The following ACSBG2 variants were observed in gnomAD, a reference collection of about 807,000 sequenced individuals.
ACSBG2 encodes the protein long-chain-fatty-acid--CoA ligase ACSBG2.
ACSBG2 carries 62 observed loss-of-function variants against 74.7 expected under a neutral mutation model. The ratio of observed to expected loss-of-function variants is 0.83; its 90% CI spans 0.68 to 1.03. The LOEUF is 1.03. ACSBG2 is among the 50% of genes least tolerant of loss of function. The pLI is 0.00. For missense variants in ACSBG2, 730 were observed against 817.6 expected, an observed-to-expected ratio of 0.89 and a Z score of 1.31; for synonymous variants, 309 against 294.1, an observed-to-expected ratio of 1.05 and a Z score of -0.52.
intron 6 of ACSBG2, among the ~76,000 whole-genome samples, chr19:6,164,991 C>G (rs1009565541): frequency 3.3e-5 from 5 of 152,220 alleles, no homozygotes; most frequent in Admixed American, 3.3e-4. Flanking sequence ...GCTTCTTCAC[C>G]TGCCAGAGTG....
In ACSBG2 at chr19:6,187,160, A is replaced by C. The variant is rs2090431456; in HGVS notation, c.1541-123A>C. 2.9e-6 allele frequency: 4 copies of C among 1,371,238 alleles called. No homozygotes were observed. The South Asian group carries it at 5.5e-5, about 19-fold the overall frequency. 84.9% of individuals were successfully genotyped at this position (1,371,238 alleles called of 1,614,324 possible). ...GCTGGGATTACAGGTGCACACCACC[A>C]AACCTGGCTAATTTTTGTATATTTA... On this transcript the variant is annotated intron_variant, in intron 11 of 14. Coordinates refer to ENST00000588485, the MANE Select transcript of ACSBG2 (RefSeq NM_030924.5).
chr19:6,147,732 G>C (rs9304929), intron 3 of ACSBG2, 57 bp downstream of exon 3: 1,068,716 of 1,543,724 alleles, frequency 0.69, 372,006 homozygotes, highest in African/African-American at 0.83. Context: ...ATAGGTAACA[G>C]ACATACATAC....
chr19:6,183,933 A>G (rs112594191), intron 10 of ACSBG2, among the ~76,000 whole-genome samples: 12,749 of 152,090 alleles, frequency 0.084, 936 homozygotes, highest in African/African-American at 0.2. Context: ...CCAACTAGCT[A>G]GGACTACACG....
At chr19:6,177,600 G>A (rs1014097488) in intron 8 of ACSBG2, among the ~76,000 whole-genome samples, 11 of 152,082 alleles carry the variant, frequency 7.2e-5, no homozygotes, top group Non-Finnish European at 7.3e-5. Flanking sequence ...CGGCACTCTG[G>A]GAGGCCAAGA....
chr19:6,150,094 A>AAAT (rs1439891476), intron 3 of ACSBG2, among the ~76,000 whole-genome samples: 2 of 151,656 alleles, frequency 1.3e-5, no homozygotes, highest in South Asian at 4.2e-4. Context: ...GCGAGACAAA[A>AAAT]AATAATAATA....
chr19:6,176,510 A>C, intron 7 of ACSBG2: 6 of 670,438 alleles, frequency 8.9e-6, no homozygotes, highest in Non-Finnish European at 1.1e-5. Flanking sequence ...ACACACACAC[A>C]CGCACTCAGC....
At chr19:6,139,124 G>C (rs927845305) in intron 1 of ACSBG2, among the ~76,000 whole-genome samples, 1 of 145,584 alleles carries the variant, frequency 6.9e-6, no homozygotes, top group Non-Finnish European at 1.5e-5. Flanking sequence ...GTTTTGCTCT[G>C]TCACCCAGGC....
chr19:6,154,182 C>T (rs745797823), intron 4 of ACSBG2, among the ~76,000 whole-genome samples: 7 of 151,406 alleles, frequency 4.6e-5, no homozygotes, highest in Non-Finnish European at 8.8e-5. Flanking sequence ...CACCTGAGGT[C>T]GGGAGTTTGA....
chr19:6,176,548 T>G, intron 7 of ACSBG2: 4 of 292,456 alleles, frequency 1.4e-5, no homozygotes, highest in East Asian at 8.3e-5. Flanking sequence ...AATGGACATC[T>G]GGGTACCCAT....
At chr19:6,151,125 A>G (rs1194262923) in intron 3 of ACSBG2, among the ~76,000 whole-genome samples, 1 of 152,032 alleles carries the variant, frequency 6.6e-6, no homozygotes, top group Non-Finnish European at 1.5e-5. Flanking sequence ...AAAAAAAAAA[A>G]AAAAGAAAAT....
chr19:6,137,156 T>C (rs12980693), intron 1 of ACSBG2, among the ~76,000 whole-genome samples: 10,121 of 122,778 alleles, frequency 0.082, 1,176 homozygotes, highest in African/African-American at 0.28. Context: ...GGGCCTGGTG[T>C]GGTGGCTCAC....
At chr19:6,165,727 A>G in intron 6 of ACSBG2, 139 bp from the exon 7 acceptor site, 1 of 990,816 alleles carries the variant, frequency 1.0e-6, no homozygotes, top group Non-Finnish European at 1.5e-6. Flanking sequence ...CTTTTGTAAG[A>G]GGTGCCAGGA....
intron 3 of ACSBG2, among the ~76,000 whole-genome samples, chr19:6,150,406 G>A (rs1042889650): frequency 5.3e-5 from 8 of 151,734 alleles, no homozygotes; most frequent in African/African-American, 9.7e-5. Flanking sequence ...GGGTCATAGC[G>A]GCGTTATTCA....
Position 6,161,233 on chromosome 19 carries a change from G to C in ACSBG2, c.526G>C (p.Glu176Gln). 6.2e-7 allele frequency: 1 copy of C among 1,613,492 alleles called. No individual in the cohort carries two copies. Among genetic ancestry groups the C allele is most frequent in the Non-Finnish European group, 8.5e-7 (1 of 1,179,588 alleles). The change falls in exon 6 of 15, where the codon GAG (glutamate) becomes CAG (glutamine). Residue 176 changes from glutamate to glutamine, a missense_variant. Coordinates refer to ENST00000588485, the MANE Select transcript of ACSBG2 (RefSeq NM_030924.5). The stretch of plus-strand genomic sequence containing the variant: ...CTTTCAGATTCCACAGAGCAGCCTA[G>C]AGCCCCTAAAAGCGATCATCCAGTA... ...KILSIPQSSL[E>Q]PLKAIIQYRL...
intron 2 of ACSBG2, among the ~76,000 whole-genome samples, chr19:6,146,726 T>C (rs1374085276): frequency 1.3e-5 from 2 of 150,100 alleles, no homozygotes; most frequent in African/African-American, 2.5e-5. Flanking sequence ...GATCGTGCCA[T>C]TGTACTCCAA....
intron 1 of ACSBG2, among the ~76,000 whole-genome samples, chr19:6,138,583 G>A (rs1599970636): frequency 8.4e-6 from 1 of 118,924 alleles, no homozygotes; most frequent in Middle Eastern, 3.7e-3. Context: ...GGGAGGGAAG[G>A]AAAGAGGGAA....
rs1165389808 is a variant in ACSBG2 at position 6,165,114 on chromosome 19, C to A, written c.589-752C>A. Among the ~76,000 whole-genome samples the A allele has an allele frequency of 2.0e-5, 3 of 152,216 alleles. No homozygotes were observed. The East Asian group carries it at 5.8e-4, about 29-fold the overall frequency. ...AAAGATAATCTGTTGGACCATGCAA[C>A]TACAGTTCAGGGCGTGGATTTCAGG... On this transcript the variant is annotated intron_variant, in intron 6 of 14. Transcript: ENST00000588485.
At position 6,183,215 on chromosome 19, in the gene ACSBG2, T is replaced by A. The variant is rs931946066; in HGVS notation, c.1265T>A (p.Leu422Ter). ...LDIPIGELYG[L>*]SESSGPHTIS... ...ATACCTATAGGCGAGTTGTATGGGT[T>A]GAGTGAGAGCTCGGGACCCCACACG... is the stretch of plus-strand genomic sequence containing the variant. Residue 422 changes from leucine to a stop codon, truncating the protein, a stop_gained, in exon 10 of 15, where the codon TTG (leucine) becomes TAG (stop). Coordinates refer to ENST00000588485, the MANE Select transcript of ACSBG2 (RefSeq NM_030924.5). LOFTEE classifies it high-confidence loss of function. 2 of 1,614,044 alleles carry A rather than the reference T, an allele frequency of 1.2e-6. No individual in the cohort carries two copies. The highest frequency in any genetic ancestry group is 1.7e-5 in the Admixed American group (1 of 60,002).
intron 10 of ACSBG2, among the ~76,000 whole-genome samples, chr19:6,183,596 C>A (rs1252671900): frequency 6.6e-6 from 1 of 152,186 alleles, no homozygotes; most frequent in Non-Finnish European, 1.5e-5. Context: ...ACCTCCATGG[C>A]CGATTCCTGG....
Sources: gnomAD v4.1 joint callset for allele counts (sites outside exome capture counted in the v4.1 genomes callset) on GRCh38, gnomAD v4.1.1 for gene constraint, MANE v1.5 for transcripts, NCBI Gene and HGNC (gene_info 2026-07-23, HGNC 2026-07-21) for gene names.